RNF214: variants seen among roughly 807,000 people sequenced by gnomAD.
RNF214 encodes ring finger protein 214.
RNF214 carries 25 observed loss-of-function variants against 75.9 expected under a neutral mutation model. That is an observed-to-expected ratio of 0.33 (90% confidence interval 0.24 to 0.46). The LOEUF (loss-of-function observed/expected upper bound fraction) is 0.46. Among genes scored for constraint, RNF214 ranks in the 20% least tolerant of loss-of-function variants. The pLI, the probability that RNF214 is intolerant of heterozygous loss-of-function variation, is 1.00. For missense variants in RNF214, 725 were observed against 857.5 expected (o/e 0.85, Z 1.93); for synonymous variants, 314 against 308.8 (o/e 1.02, Z -0.18).
chr11:117,261,680 C>T (rs1472873294), intron 6 of RNF214, among the ~76,000 whole-genome samples: 1 of 152,138 alleles, frequency 6.6e-6, no homozygotes, highest in East Asian at 1.9e-4. Context: ...GAGTCTCCCT[C>T]TGTCGCCCAG....
chr11:117,282,544 A>G lies in RNF214; in HGVS notation c.1845+8A>G. Reference sequence around the variant, plus strand: ...GTGGCAGCAAGTACTCAGGTGAGAAAAGCCACTTGGGAGAGAACTTAGGCA... The same window carrying G: ...GTGGCAGCAAGTACTCAGGTGAGAAGAGCCACTTGGGAGAGAACTTAGGCA... On this transcript the variant is annotated splice_region_variant and intron_variant, in intron 12 of 14. Transcript: ENST00000300650. 1.2e-6 allele frequency: 2 copies of G among 1,613,558 alleles called. No homozygotes were observed. Among genetic ancestry groups the G allele is most frequent in the South Asian group, 1.1e-5 (1 of 90,972 alleles).
At chr11:117,251,551 A>T (rs1442098989) in intron 6 of RNF214, among the ~76,000 whole-genome samples, 1 of 149,398 alleles carries the variant, frequency 6.7e-6, no homozygotes, top group Non-Finnish European at 1.5e-5. Context: ...TCCCTCCCGG[A>T]CGGGGCGGCT....
chr11:117,246,780 G>T (rs756159708), intron 5 of RNF214, 29 bp from the exon 6 acceptor site: 3 of 1,484,848 alleles, frequency 2.0e-6, no homozygotes, highest in East Asian at 2.3e-5. Flanking sequence ...TTTTTTATTT[G>T]TGTGCGACTG....
In RNF214 at chr11:117,238,829, G is replaced by C; in HGVS notation, c.336G>C (p.Val112=). ...GSGSQSDLKD[V]ASTAGEEGDT... is the part of the protein sequence containing the mutation. The stretch of plus-strand genomic sequence containing the variant: ...GGTCTCAGTCTGATTTGAAGGATGT[G>C]GCCAGCACAGCAGGAGAGGAGGGGG... The change falls in exon 3 of 15, where the codon GTG becomes GTC. Residue 112 remains valine, a synonymous_variant. Coordinates refer to ENST00000300650, the MANE Select transcript of RNF214 (RefSeq NM_207343.4). The C allele has an allele frequency of 3.1e-6, 5 of 1,614,192 alleles. No individual in the cohort carries two copies. Among genetic ancestry groups the C allele is most frequent in the Non-Finnish European group, 4.2e-6 (5 of 1,180,024 alleles).
At chr11:117,239,636 A>G in intron 3 of RNF214, 165 bp from the exon 4 acceptor site, 1 of 628,024 alleles carries the variant, frequency 1.6e-6, no homozygotes, top group South Asian at 1.7e-5. Flanking sequence ...TGCAGCGTGG[A>G]TGTTGGTGTC....
intron 14 of RNF214, 57 bp from the exon 15 acceptor site, chr11:117,285,029 C>T (rs2034223137): frequency 7.8e-7 from 1 of 1,284,318 alleles, no homozygotes. Flanking sequence ...GGCATTCTCT[C>T]CTTCCTTCCC....
chr11:117,241,348 G>A (rs143247176), intron 4 of RNF214, among the ~76,000 whole-genome samples: 227 of 152,126 alleles, frequency 1.5e-3, no homozygotes, highest in African/African-American at 5.3e-3. Flanking sequence ...TTGGGAGGCC[G>A]AGGCGGGTAG....
chr11:117,247,187 T>C (rs2033246448), intron 6 of RNF214, among the ~76,000 whole-genome samples: 4 of 152,130 alleles, frequency 2.6e-5, no homozygotes, highest in Non-Finnish European at 1.5e-5. Flanking sequence ...GAGTCCCAAG[T>C]GTGGTCAAGA....
intron 9 of RNF214, 68 bp downstream of exon 9, chr11:117,281,472 G>C: frequency 7.0e-7 from 1 of 1,429,736 alleles, no homozygotes; most frequent in Non-Finnish European, 9.9e-7. Context: ...GCAATTGGGA[G>C]GTAGCCTTTT....
rs1006964653 is a variant in RNF214, at chr11:117,246,764, A to G, written c.820-45A>G. 5 of 1,472,650 alleles carry G rather than the reference A, an allele frequency of 3.4e-6. No homozygotes were observed. In the African/African-American group the frequency reaches 4.2e-5, roughly 12 times the overall value. 91.2% of individuals were successfully genotyped at this position (1,472,650 alleles called of 1,614,324 possible). The stretch of plus-strand genomic sequence containing the variant: ...ACCTTTGCATCAAAAGAACTAACTT[A>G]TTTTCTTTTTTATTTGTGTGCGACT... On this transcript the variant is annotated intron_variant, in intron 5 of 14. Coordinates refer to ENST00000300650, the MANE Select transcript of RNF214 (RefSeq NM_207343.4).
intron 6 of RNF214, among the ~76,000 whole-genome samples, chr11:117,254,777 C>T (rs2033481447): frequency 6.6e-6 from 1 of 152,100 alleles, no homozygotes; most frequent in South Asian, 2.1e-4. Context: ...GCACCCACCA[C>T]CATGCCCGGC....
chr11:117,254,864 G>C (rs999347939), intron 6 of RNF214, among the ~76,000 whole-genome samples: 6 of 152,142 alleles, frequency 3.9e-5, no homozygotes, highest in Admixed American at 6.6e-5. Flanking sequence ...GACCTCAAGT[G>C]ATCCACCTGC....
intron 6 of RNF214, among the ~76,000 whole-genome samples, chr11:117,250,504 G>C (rs914006774): frequency 4.3e-4 from 66 of 151,998 alleles, no homozygotes; most frequent in African/African-American, 1.5e-3. Flanking sequence ...TGAAGTTTTA[G>C]GAGTTAAGTG....
At chr11:117,235,016 T>C (rs541317231) in intron 2 of RNF214, among the ~76,000 whole-genome samples, 1 of 152,308 alleles carries the variant, frequency 6.6e-6, no homozygotes, top group South Asian at 2.1e-4. Flanking sequence ...ATATAACCTA[T>C]GCATGTCCTC....
At chr11:117,239,570 TTCTC>T in intron 3 of RNF214, 1 of 533,082 alleles carries the variant, frequency 1.9e-6, no homozygotes. Context: ...ACTTGAGGCT[TTCTC>T]TCAGTCAGTC....
At chr11:117,256,718 C>A (rs1236596563) in intron 6 of RNF214, among the ~76,000 whole-genome samples, 1 of 152,174 alleles carries the variant, frequency 6.6e-6, no homozygotes, top group Non-Finnish European at 1.5e-5. Context: ...AGTGCTAGTT[C>A]TGTGACATTC....
At chr11:117,253,126 C>T (rs1453573058) in intron 6 of RNF214, among the ~76,000 whole-genome samples, 3 of 152,172 alleles carry the variant, frequency 2.0e-5, no homozygotes, top group South Asian at 2.1e-4. Flanking sequence ...CATCCTCCTG[C>T]CTCAGCTTCC....
In RNF214 at chr11:117,282,181, G is replaced by A; in HGVS notation, c.1623G>A (p.Lys541=). 6.2e-7 allele frequency: 1 copy of A among 1,613,998 alleles called. No homozygotes were observed. Among genetic ancestry groups the A allele is most frequent in the Non-Finnish European group, 8.5e-7 (1 of 1,179,938 alleles). ...CTCCCCCAGGCTTGGGCGGTGTTAAGGCTTCTGCTGAAACTCCCCGGCCCC... is the reference window on the plus strand; with the variant it reads ...CTCCCCCAGGCTTGGGCGGTGTTAAAGCTTCTGCTGAAACTCCCCGGCCCC... The part of the protein sequence containing the change: ...IPPPPGLGGV[K]ASAETPRPQP... The change falls in exon 11 of 15, where the codon AAG becomes AAA. Residue 541 remains lysine, a synonymous_variant. Coordinates refer to ENST00000300650, the MANE Select transcript of RNF214 (RefSeq NM_207343.4).
chr11:117,281,593 T>C lies in RNF214; in HGVS notation c.1237-7T>C. 6.2e-7 allele frequency: 1 copy of C among 1,605,398 alleles called. No individual in the cohort carries two copies. The highest frequency in any genetic ancestry group is 8.5e-7 in the Non-Finnish European group (1 of 1,172,370). On this transcript the variant is annotated splice_polypyrimidine_tract_variant and splice_region_variant and intron_variant, in intron 9 of 14. Coordinates refer to ENST00000300650, the MANE Select transcript of RNF214 (RefSeq NM_207343.4). ...TCAGCAGTAAAAATAATCCTTTTTT[T>C]TTTTAGGACCAATTTAATAGTCATA...
Sources: allele counts gnomAD v4.1 joint callset (sites outside exome capture counted in the v4.1 genomes callset), GRCh38; gene constraint gnomAD v4.1.1; transcripts MANE v1.5; gene names NCBI Gene and HGNC (gene_info 2026-07-23, HGNC 2026-07-21).